Variants in CCSER1 observed in about 807,000 individuals in gnomAD.
CCSER1 encodes the protein coiled-coil serine rich protein 1, also known as serine-rich coiled-coil domain-containing protein 1.
A neutral mutation model predicts 82.0 loss-of-function variants in CCSER1; 41 were observed. The ratio of observed to expected loss-of-function variants is 0.50; its 90% CI spans 0.39 to 0.65. The LOEUF (loss-of-function observed/expected upper bound fraction) is 0.65. Ranked by LOEUF, CCSER1 falls within the 30% of genes least tolerant of loss-of-function variation. CCSER1 has a pLI of 0.00. For missense variants in CCSER1, 1,119 were observed against 1,064.2 expected (o/e 1.05, Z -0.72); for synonymous variants, 414 against 383.9 (o/e 1.08, Z -0.92).
At chr4:90,320,782 C>T (rs779990269) in intron 3 of CCSER1, among the ~76,000 whole-genome samples, 1 of 152,040 alleles carries the variant, frequency 6.6e-6, no homozygotes, top group Non-Finnish European at 1.5e-5. Context: ...CATTTAGAAG[C>T]TGTCACAATT....
At chr4:91,448,467 GATAAT>G (rs1475861496) in intron 10 of CCSER1, among the ~76,000 whole-genome samples, 2 of 151,990 alleles carry the variant, frequency 1.3e-5, no homozygotes, top group Non-Finnish European at 2.9e-5. Context: ...TATTTGGATA[GATAAT>G]GTTACCTGAA....
chr4:91,168,061 C>T (rs1378267295), intron 10 of CCSER1, among the ~76,000 whole-genome samples: 7 of 147,216 alleles, frequency 4.8e-5, no homozygotes, highest in South Asian at 2.2e-4. Flanking sequence ...TCTGCCCAGC[C>T]GCCCTGTCTG....
At chr4:91,359,313 G>T (rs907476608) in intron 10 of CCSER1, among the ~76,000 whole-genome samples, 3 of 151,734 alleles carry the variant, frequency 2.0e-5, no homozygotes, top group Non-Finnish European at 4.4e-5. Flanking sequence ...GCAGGCCCAG[G>T]CCTGGTTTCA....
chr4:90,327,885 C>A (rs989146153), intron 3 of CCSER1, among the ~76,000 whole-genome samples: 1 of 151,978 alleles, frequency 6.6e-6, no homozygotes, highest in African/African-American at 2.4e-5. Flanking sequence ...TTTTTTTAAT[C>A]TTAATTTTGT....
chr4:91,353,661 A>T (rs780695216), intron 10 of CCSER1, among the ~76,000 whole-genome samples: 3 of 152,020 alleles, frequency 2.0e-5, no homozygotes, highest in Non-Finnish European at 4.4e-5. Context: ...TTTGCTACTT[A>T]TGACTTCTTA....
At position 91,221,450 on chromosome 4, in the gene CCSER1, T is replaced by C. The variant is rs556300958; in HGVS notation, c.2217+135456T>C. ...AGTACATAGATAGTATTGATCAAGA[T>C]ACACATTTATTAAAGAGTGTTATAA... On this transcript the variant is annotated intron_variant, in intron 10 of 10. Coordinates refer to ENST00000509176, the MANE Select transcript of CCSER1 (RefSeq NM_001145065.2). Among the ~76,000 whole-genome samples the C allele has an allele frequency of 3.3e-5, 5 of 152,280 alleles. 1 individual carries two copies. The South Asian group carries it at 1.0e-3, about 32-fold the overall frequency.
chr4:91,024,358 T>C (rs1260569905), intron 9 of CCSER1, among the ~76,000 whole-genome samples: 1 of 152,208 alleles, frequency 6.6e-6, no homozygotes, highest in Admixed American at 6.5e-5. Flanking sequence ...TGTATGTTTT[T>C]GCTTTTAAAT....
intron 10 of CCSER1, among the ~76,000 whole-genome samples, chr4:91,296,485 A>ATATATATATATATATATTTATTTT (rs1365247761): frequency 7.1e-6 from 1 of 140,984 alleles, no homozygotes; most frequent in Non-Finnish European, 1.5e-5. Context: ...ATATATATAT[A>ATATATATATATATATATTTATTTT]TTTTAATTAA....
intron 10 of CCSER1, among the ~76,000 whole-genome samples, chr4:91,177,466 G>A (rs2149019096): frequency 6.6e-6 from 1 of 152,266 alleles, no homozygotes; most frequent in African/African-American, 2.4e-5. Flanking sequence ...TTTTTGGTTG[G>A]TAGGCTACCA....
rs11737005 is a variant in CCSER1 at position 91,310,070 on chromosome 4, C to G, written c.2217+224076C>G. The stretch of plus-strand genomic sequence containing the variant: ...TCACAATCTCCTTATGTGGTTGTCT[C>G]TCTCCAAATTTACCTTTTTAATAAA... On this transcript the variant is annotated intron_variant, in intron 10 of 10. Coordinates refer to ENST00000509176, the MANE Select transcript of CCSER1 (RefSeq NM_001145065.2). Among the ~76,000 whole-genome samples, 107 of 151,974 alleles carry G rather than the reference C, an allele frequency of 7.0e-4. 1 individual carries two copies. In the South Asian group the frequency reaches 7.9e-3, roughly 11 times the overall value.
intron 8 of CCSER1, among the ~76,000 whole-genome samples, chr4:90,846,342 C>T (rs1165087396): frequency 1.3e-5 from 2 of 152,168 alleles, no homozygotes; most frequent in Non-Finnish European, 2.9e-5. Context: ...CATCCATCCT[C>T]ACAGAATCTG....
intron 4 of CCSER1, among the ~76,000 whole-genome samples, chr4:90,424,715 C>T (rs1757291117): frequency 6.6e-6 from 1 of 152,206 alleles, no homozygotes; most frequent in Non-Finnish European, 1.5e-5. Context: ...CCAAAGTCTA[C>T]TTCCAGTTCA....
chr4:90,550,036 CA>C (rs1325896708), intron 5 of CCSER1, among the ~76,000 whole-genome samples: 1 of 151,978 alleles, frequency 6.6e-6, no homozygotes, highest in Non-Finnish European at 1.5e-5. Context: ...TTATTATTAT[CA>C]AAACCTTGCA....
At chr4:90,715,413 C>A (rs542002765) in intron 6 of CCSER1, among the ~76,000 whole-genome samples, 167 of 152,006 alleles carry the variant, frequency 1.1e-3, no homozygotes, top group African/African-American at 4.0e-3. Context: ...TTGGGTTATT[C>A]TAGGGTTTGG....
chr4:90,415,395 G>A (rs922569956), intron 4 of CCSER1, among the ~76,000 whole-genome samples: 2 of 152,206 alleles, frequency 1.3e-5, no homozygotes, highest in East Asian at 1.9e-4. Flanking sequence ...AAATAAAATC[G>A]ATTAACTTTT....
intron 1 of CCSER1, among the ~76,000 whole-genome samples, chr4:90,254,055 T>C (rs1397601759): frequency 2.0e-5 from 3 of 152,172 alleles, no homozygotes; most frequent in African/African-American, 7.2e-5. Context: ...TTTAGTTGTG[T>C]CTTTTCCTGG....
At chr4:90,708,422 C>A (rs1330645851) in intron 6 of CCSER1, among the ~76,000 whole-genome samples, 4 of 152,086 alleles carry the variant, frequency 2.6e-5, no homozygotes, top group African/African-American at 9.7e-5. Context: ...AATTTATTAG[C>A]AAGAAAAGTA....
At chr4:91,592,628 A>G (rs1366960478) in intron 10 of CCSER1, among the ~76,000 whole-genome samples, 1 of 152,186 alleles carries the variant, frequency 6.6e-6, no homozygotes, top group Non-Finnish European at 1.5e-5. Flanking sequence ...TCACTTTAAC[A>G]TAATTTAATA....
At chr4:90,776,667 G>A (rs1253077674) in intron 7 of CCSER1, among the ~76,000 whole-genome samples, 2 of 152,150 alleles carry the variant, frequency 1.3e-5, no homozygotes, top group Non-Finnish European at 2.9e-5. Context: ...TTATTTACAT[G>A]TATTAACACG....
Sources: allele counts gnomAD v4.1 joint callset (sites outside exome capture counted in the v4.1 genomes callset), GRCh38; gene constraint gnomAD v4.1.1; transcripts MANE v1.5; gene names NCBI Gene and HGNC (gene_info 2026-07-23, HGNC 2026-07-21).